The following PPP2R3A variants were observed in gnomAD, a reference collection of about 807,000 sequenced individuals.
PPP2R3A encodes protein phosphatase 2 regulatory subunit B''alpha.
In PPP2R3A, 80 loss-of-function variants were observed where a neutral mutation model predicts 106.9. The observed-to-expected ratio is 0.75, with a 90% CI of 0.62 to 0.90. The LOEUF is 0.90. Ranked by LOEUF, PPP2R3A falls within the 40% of genes least tolerant of loss-of-function variation. PPP2R3A has a pLI of 0.00. For synonymous variants in PPP2R3A, 483 were observed against 468.3 expected, an observed-to-expected ratio of 1.03 and a Z score of -0.41; for missense variants, 1,386 against 1,350.4, an observed-to-expected ratio of 1.03 and a Z score of -0.41.
intron 12 of PPP2R3A, among the ~76,000 whole-genome samples, chr3:136,105,291 A>G (rs1357547859): frequency 1.3e-5 from 2 of 152,190 alleles, no homozygotes; most frequent in African/African-American, 4.8e-5. Flanking sequence ...GCAAAGTGCC[A>G]GAGGAGAGGG....
chr3:135,980,874 A>G (rs932013053), intron 1 of PPP2R3A, among the ~76,000 whole-genome samples: 4 of 151,912 alleles, frequency 2.6e-5, no homozygotes, highest in Non-Finnish European at 1.5e-5. Flanking sequence ...CTGTTCTTGC[A>G]TAGCACAGAT....
intron 3 of PPP2R3A, among the ~76,000 whole-genome samples, chr3:136,029,199 G>A (rs1409966426): frequency 1.3e-5 from 2 of 152,164 alleles, no homozygotes; most frequent in Non-Finnish European, 2.9e-5. Context: ...ATTGCCTCAG[G>A]TAAGCAGACA....
At chr3:135,988,212 C>G (rs1360763396) in intron 1 of PPP2R3A, among the ~76,000 whole-genome samples, 1 of 150,616 alleles carries the variant, frequency 6.6e-6, no homozygotes, top group East Asian at 1.9e-4. Flanking sequence ...TCTTTCCAGT[C>G]TCAATTAATG....
At chr3:136,020,396 A>G (rs1012071089) in intron 2 of PPP2R3A, among the ~76,000 whole-genome samples, 7 of 152,112 alleles carry the variant, frequency 4.6e-5, no homozygotes, top group African/African-American at 1.7e-4. Context: ...TTTCTTTGAT[A>G]AATCACACTC....
In PPP2R3A at chr3:136,026,835, C is replaced by G; in HGVS notation, c.1999C>G (p.Gln667Glu). The G allele has an allele frequency of 6.3e-7, 1 of 1,593,342 alleles. No homozygotes were observed. The highest frequency in any genetic ancestry group is 8.5e-7 in the Non-Finnish European group (1 of 1,171,354). ...IQQTPEVIKI[Q>E]NKPEKKPGTP... Reference sequence around the variant, plus strand: ...CATAATCTTATTTTTCTTTTAGATTCAAAATAAACCAGAAAAGAAACCTGG... The same window carrying G: ...CATAATCTTATTTTTCTTTTAGATTGAAAATAAACCAGAAAAGAAACCTGG... The change falls in exon 3 of 14, where the codon CAA (glutamine) becomes GAA (glutamate). Residue 667 changes from glutamine (Q) to glutamate (E), a missense_variant. Physicochemically the swap from Gln to Glu is conservative, Grantham distance 29. Transcript: ENST00000264977.
At chr3:135,980,074 T>A (rs1937517960) in intron 1 of PPP2R3A, among the ~76,000 whole-genome samples, 1 of 151,834 alleles carries the variant, frequency 6.6e-6, no homozygotes, top group Non-Finnish European at 1.5e-5. Context: ...CACCAGTGTC[T>A]CCTGCCATGT....
chr3:135,988,695 C>T (rs1257766317), intron 1 of PPP2R3A, among the ~76,000 whole-genome samples: 1 of 152,094 alleles, frequency 6.6e-6, no homozygotes, highest in Non-Finnish European at 1.5e-5. Flanking sequence ...CCCTAACCCA[C>T]CCACTGAAGA....
intron 5 of PPP2R3A, among the ~76,000 whole-genome samples, 154 bp downstream of exon 5, chr3:136,049,515 CTCTCGTTAAATGAAA>C (rs3836255): frequency 0.033 from 4,906 of 148,028 alleles, 264 homozygotes; most frequent in African/African-American, 0.11. Flanking sequence ...CAGTAAGATC[CTCTCGTTAAATGAAA>C]TCTCGTTAAA....
chr3:136,116,958 C>G (rs1490598723), intron 13 of PPP2R3A, among the ~76,000 whole-genome samples: 2 of 152,222 alleles, frequency 1.3e-5, no homozygotes, highest in Non-Finnish European at 2.9e-5. Context: ...CCACATCGCA[C>G]TTATTCTACA....
intron 13 of PPP2R3A, among the ~76,000 whole-genome samples, chr3:136,112,469 T>G (rs1559927077): frequency 1.3e-5 from 2 of 151,992 alleles, no homozygotes; most frequent in Admixed American, 1.3e-4. Context: ...TGTACAAAAA[T>G]CAGCAGCATT....
chr3:136,131,943 A>G (rs1938438612), intron 13 of PPP2R3A, among the ~76,000 whole-genome samples: 1 of 144,120 alleles, frequency 6.9e-6, no homozygotes, highest in African/African-American at 2.5e-5. Context: ...GTTCTCACTC[A>G]TAGGTGGGAA....
At chr3:136,103,867 G>A (rs1196787223) in intron 12 of PPP2R3A, among the ~76,000 whole-genome samples, 1 of 152,090 alleles carries the variant, frequency 6.6e-6, no homozygotes, top group African/African-American at 2.4e-5. Flanking sequence ...GCCGTTCATG[G>A]CTATCAGTTT....
At chr3:135,998,120 C>T (rs1057436783) in intron 1 of PPP2R3A, among the ~76,000 whole-genome samples, 5 of 152,332 alleles carry the variant, frequency 3.3e-5, no homozygotes, top group Middle Eastern at 3.4e-3. Context: ...TCTATACGCC[C>T]GCCAGTGAAA....
chr3:136,131,421 A>G (rs1938413078), intron 13 of PPP2R3A, among the ~76,000 whole-genome samples: 1 of 152,234 alleles, frequency 6.6e-6, no homozygotes, highest in Non-Finnish European at 1.5e-5. Flanking sequence ...AATGCTCATC[A>G]TCACTGGTCA....
At chr3:136,081,467 C>A (rs372507415) in intron 7 of PPP2R3A, among the ~76,000 whole-genome samples, 1 of 151,700 alleles carries the variant, frequency 6.6e-6, no homozygotes, top group African/African-American at 2.4e-5. Flanking sequence ...GATACTTAAT[C>A]AAAAAAATAT....
In PPP2R3A at chr3:136,129,343, C is replaced by T. The variant is rs376725021; in HGVS notation, c.3330-15700C>T. On this transcript the variant is annotated intron_variant, in intron 13 of 13. Transcript: ENST00000264977. Reference sequence around the variant, plus strand: ...AAAATGATAAAGGGGATATCACCACCGATCCCACAGAAATACAAACTACCA... The same window carrying T: ...AAAATGATAAAGGGGATATCACCACTGATCCCACAGAAATACAAACTACCA... 3.9e-4 allele frequency among the ~76,000 whole-genome samples: 59 copies of T among 152,030 alleles called. No homozygotes were observed. The South Asian group carries it at 0.01, about 26-fold the overall frequency.
At position 136,112,859 on chromosome 3, in the gene PPP2R3A, G is replaced by A. The variant is rs770045995; in HGVS notation, c.3329+6537G>A. On this transcript the variant is annotated intron_variant, in intron 13 of 13. Coordinates refer to ENST00000264977, the MANE Select transcript of PPP2R3A (RefSeq NM_002718.5). Reference sequence around the variant, plus strand: ...TTACAAAATTCATATGAAGCTGGGCGCGGTGGCTCATGCCTGTAATCCCAG... The same window carrying A: ...TTACAAAATTCATATGAAGCTGGGCACGGTGGCTCATGCCTGTAATCCCAG... Among the ~76,000 whole-genome samples, 5 of 152,232 alleles carry A rather than the reference G, an allele frequency of 3.3e-5. No individual in the cohort carries two copies. The East Asian group carries it at 5.8e-4, about 18-fold the overall frequency.
At chr3:136,076,703 C>T (rs1936607374) in intron 6 of PPP2R3A, among the ~76,000 whole-genome samples, 1 of 152,188 alleles carries the variant, frequency 6.6e-6, no homozygotes, top group Admixed American at 6.5e-5. Context: ...AATCCCAGCA[C>T]TTTGGGAGGC....
intron 2 of PPP2R3A, among the ~76,000 whole-genome samples, chr3:136,015,408 T>C (rs929144244): frequency 2.0e-5 from 3 of 152,112 alleles, no homozygotes; most frequent in African/African-American, 4.8e-5. Context: ...ATTCTTTGAA[T>C]GTCTGATAGA....
Sources: allele counts gnomAD v4.1 joint callset (sites outside exome capture counted in the v4.1 genomes callset), GRCh38; gene constraint gnomAD v4.1.1; transcripts MANE v1.5; gene names NCBI Gene and HGNC (gene_info 2026-07-23, HGNC 2026-07-21).